The following ATL2 variants were observed in gnomAD, a reference collection of about 807,000 sequenced individuals.
ATL2 encodes the protein atlastin-2.
Under a neutral mutation model 73.9 loss-of-function variants are expected in ATL2, and 31 were observed. The observed-to-expected ratio is 0.42, with a 90% confidence interval of 0.32 to 0.57. ATL2 has a LOEUF of 0.57. Ranked by LOEUF, ATL2 falls within the 20% of genes least tolerant of loss-of-function variation. The probability of loss-of-function intolerance (pLI) is 0.14; values close to 1 mark genes in which losing one functional copy is unlikely to be tolerated. For missense variants in ATL2, 738 were observed against 702.6 expected (o/e 1.05, Z -0.57); for synonymous variants, 291 against 237.5 (o/e 1.23, Z -2.07).
At chr2:38,316,598 TA>T (rs1323505514) in intron 4 of ATL2, among the ~76,000 whole-genome samples, 2 of 151,868 alleles carry the variant, frequency 1.3e-5, no homozygotes, top group Non-Finnish European at 2.9e-5. Context: ...AAAATAATCA[TA>T]ATCTTAATCT....
At position 38,377,159 on chromosome 2, in the gene ATL2, C is replaced by T. The variant is rs1181204609; in HGVS notation, c.102G>A (p.Ser34=). 1.9e-6 allele frequency: 3 copies of T among 1,610,640 alleles called. No homozygotes were observed. The highest frequency in any genetic ancestry group is 2.5e-6 in the Non-Finnish European group (3 of 1,179,384). ...GGCCCGTACCTAGGGAGGTCGTGGA[C>T]GAGACGTGGTTAACCGCGGCGCTTG... The part of the protein sequence containing the change: ...SDPSAAVNHV[S]STTSLGENYE... Residue 34 remains serine (S), a synonymous_variant, in exon 1 of 13, where the codon TCG becomes TCA. Transcript: ENST00000378954.
chr2:38,377,477 G>C (rs991310200), upstream of ATL2, among the ~76,000 whole-genome samples: 2 of 139,296 alleles, frequency 1.4e-5, no homozygotes, highest in Non-Finnish European at 3.1e-5. Flanking sequence ...CCCTCGCCCT[G>C]CCCGCCTGCA....
At chr2:38,320,118 C>CA (rs961891711) in intron 2 of ATL2, among the ~76,000 whole-genome samples, 1 of 151,904 alleles carries the variant, frequency 6.6e-6, no homozygotes, top group African/African-American at 2.4e-5. Context: ...AAAACAAAAA[C>CA]AAAAAAAATC....
At chr2:38,356,003 G>A (rs1017125372) in intron 1 of ATL2, among the ~76,000 whole-genome samples, 5 of 150,280 alleles carry the variant, frequency 3.3e-5, no homozygotes, top group African/African-American at 1.2e-4. Context: ...GGCCACATTT[G>A]GAGAGTTTAA....
chr2:38,303,894 G>A (rs1157703995), intron 9 of ATL2, among the ~76,000 whole-genome samples: 1 of 152,148 alleles, frequency 6.6e-6, no homozygotes. Flanking sequence ...CACTTTGGGA[G>A]GTCAAGGTGG....
chr2:38,315,111 C>A (rs1406713392), intron 5 of ATL2, among the ~76,000 whole-genome samples, 173 bp downstream of exon 5: 2 of 152,130 alleles, frequency 1.3e-5, no homozygotes, highest in Non-Finnish European at 2.9e-5. Context: ...ATTAGCCAGG[C>A]ATGGTGGCAC....
At chr2:38,305,962 T>G (rs1035219653) in intron 9 of ATL2, among the ~76,000 whole-genome samples, 1 of 152,030 alleles carries the variant, frequency 6.6e-6, no homozygotes, top group East Asian at 1.9e-4. Context: ...AAGCAAAAAG[T>G]TGATTTTTTA....
At chr2:38,375,085 T>G (rs745333215) in intron 1 of ATL2, among the ~76,000 whole-genome samples, 2 of 152,224 alleles carry the variant, frequency 1.3e-5, no homozygotes, top group Non-Finnish European at 2.9e-5. Context: ...CTTATTTGCT[T>G]TCTAAAGATC....
rs1488616594 is a variant in ATL2 at position 38,296,086 on chromosome 2, T to A, written c.1660A>T (p.Met554Leu). Residue 554 changes from methionine (M) to leucine (L), a missense_variant, in exon 13 of 13, where the codon ATG (methionine) becomes TTG (leucine). Transcript: ENST00000378954. Reference sequence around the variant, plus strand: ...ACAGACTGCCTTATGTTTTCCTCCATCAAATTATCACCCAGGGGCTTCAAT... The same window carrying A: ...ACAGACTGCCTTATGTTTTCCTCCAACAAATTATCACCCAGGGGCTTCAAT... ...QVLKPLGDNL[M>L]EENIRQSVTN... 6 of 1,551,260 alleles carry A rather than the reference T, an allele frequency of 3.9e-6. No individual in the cohort carries two copies. Among genetic ancestry groups the A allele is most frequent in the African/African-American group, 1.4e-5 (1 of 73,012 alleles).
chr2:38,363,062 A>T (rs1007637174), intron 1 of ATL2, among the ~76,000 whole-genome samples: 1 of 152,228 alleles, frequency 6.6e-6, no homozygotes, highest in African/African-American at 2.4e-5. Flanking sequence ...TGTGCCTATT[A>T]TCTCTTTAAA....
In ATL2 at chr2:38,367,062, C is replaced by G. The variant is rs367777497; in HGVS notation, c.118+10081G>C. ...TATGTCGCCCAGGCTCAGCTCCATCCTGCAGCCTCAGCCTCCCAAAGTGCT... is the reference window on the plus strand; with the variant it reads ...TATGTCGCCCAGGCTCAGCTCCATCGTGCAGCCTCAGCCTCCCAAAGTGCT... On this transcript the variant is annotated intron_variant, in intron 1 of 12. Transcript: ENST00000378954. Among the ~76,000 whole-genome samples the G allele has an allele frequency of 1.8e-4, 27 of 152,114 alleles. 3 individuals carry two copies. Among genetic ancestry groups the G allele is most frequent in the Admixed American group, 9.2e-4 (14 of 15,282 alleles).
intron 1 of ATL2, among the ~76,000 whole-genome samples, chr2:38,360,252 G>A (rs1421852204): frequency 6.9e-6 from 1 of 144,100 alleles, no homozygotes; most frequent in African/African-American, 2.7e-5. Context: ...CGATGGCTCA[G>A]GGGATTCTTT....
intron 1 of ATL2, among the ~76,000 whole-genome samples, chr2:38,373,673 A>G (rs1573608635): frequency 1.3e-5 from 2 of 152,312 alleles, no homozygotes; most frequent in South Asian, 4.1e-4. Context: ...GTTTAGCAAT[A>G]TGTGTATATA....
At chr2:38,328,813 T>C (rs527543516) in intron 2 of ATL2, among the ~76,000 whole-genome samples, 79 of 151,308 alleles carry the variant, frequency 5.2e-4, no homozygotes, top group African/African-American at 1.9e-3. Flanking sequence ...ATGAATAAAA[T>C]CAGAGCAAGA....
chr2:38,296,718 A>G (rs1382685653), intron 12 of ATL2: 2 of 1,552,068 alleles, frequency 1.3e-6, no homozygotes, highest in South Asian at 2.4e-5. Flanking sequence ...AAAAGAAAAG[A>G]GAAATGCAAA....
At chr2:38,345,162 T>TC (rs1356018575) in intron 1 of ATL2, among the ~76,000 whole-genome samples, 1 of 152,032 alleles carries the variant, frequency 6.6e-6, no homozygotes, top group Non-Finnish European at 1.5e-5. Flanking sequence ...TTCTAAGAGA[T>TC]CCCCTCCTTG....
chr2:38,378,112 G>A (rs1449957096), upstream of ATL2, among the ~76,000 whole-genome samples: 1 of 152,196 alleles, frequency 6.6e-6, no homozygotes, highest in East Asian at 1.9e-4. Flanking sequence ...CCGTGGAGGC[G>A]TCTGTGAAAC....
At chr2:38,346,495 C>T (rs1033315378) in intron 1 of ATL2, among the ~76,000 whole-genome samples, 2 of 152,164 alleles carry the variant, frequency 1.3e-5, no homozygotes, top group Non-Finnish European at 2.9e-5. Context: ...AACCAGCGGT[C>T]CCCAACCTTC....
intron 1 of ATL2, among the ~76,000 whole-genome samples, chr2:38,360,553 G>A (rs555824236): frequency 1.8e-3 from 275 of 152,270 alleles, no homozygotes; most frequent in Non-Finnish European, 3.4e-3. Context: ...AAAGTGCTGG[G>A]ATTCCAGGAG....
Sources: allele counts gnomAD v4.1 joint callset (sites outside exome capture counted in the v4.1 genomes callset), GRCh38; gene constraint gnomAD v4.1.1; transcripts MANE v1.5; gene names NCBI Gene and HGNC (gene_info 2026-07-23, HGNC 2026-07-21).